Variants in MCF2 observed in about 807,000 individuals in gnomAD.
MCF2 encodes MCF.2 cell line derived transforming sequence.
A neutral mutation model predicts 82.5 loss-of-function variants in MCF2; 44 were observed. The observed-to-expected ratio is 0.53, with a 90% CI of 0.42 to 0.69. The LOEUF (loss-of-function observed/expected upper bound fraction) is 0.69, where lower values mean the gene tolerates loss of function less well. Ranked by LOEUF, MCF2 falls within the 30% of genes least tolerant of loss-of-function variation. The pLI, the probability that MCF2 is intolerant of heterozygous loss-of-function variation, is 0.00. For missense variants in MCF2, 623 were observed against 663.1 expected (o/e 0.94, Z 0.66); for synonymous variants, 217 against 224.9 (o/e 0.96, Z 0.32).
chrX:139,598,218 T>C (rs1332531145), intron 17 of MCF2, among the ~76,000 whole-genome samples, 188 bp downstream of exon 21: 1 of 112,316 alleles, frequency 8.9e-6, no homozygotes, highest in East Asian at 2.8e-4. Flanking sequence ...CAGCCTGATA[T>C]CTATGCCTAT....
intron 1 of MCF2, among the ~76,000 whole-genome samples, chrX:139,666,888 A>G (rs1934536653): frequency 2.7e-5 from 3 of 111,677 alleles, no homozygotes; most frequent in Admixed American, 1.9e-4. Flanking sequence ...GTCCCAAAAA[A>G]TTGCTTGCTC....
chrX:139,601,276 AC>A lies in MCF2; in HGVS notation c.1836+1129del, dbSNP rs774219181. Among the ~76,000 whole-genome samples the A allele has an allele frequency of 1.1e-4, 12 of 111,544 alleles. No homozygotes were observed. In the South Asian group the frequency reaches 1.9e-3, roughly 17 times the overall value. The stretch of plus-strand genomic sequence containing the variant: ...AGGAGGTTCCAAATTCAAAGTTATC[AC>A]CCTAATACTAGCATAATGGATAAAA... On this transcript the variant is annotated intron_variant, in intron 16 of 24. Coordinates refer to ENST00000370576, the Ensembl canonical transcript of MCF2.
At chrX:139,602,313 T>C (rs1454143817) in intron 16 of MCF2, 93 bp downstream of exon 20, 9 of 692,990 alleles carry the variant, frequency 1.3e-5, no homozygotes, top group Non-Finnish European at 2.1e-5. Flanking sequence ...TATGCACATG[T>C]AACGTACTTA....
chrX:139,597,663 C>T lies in MCF2; in HGVS notation c.1930-78G>A. ...AATGAATAAGTTTTTGGCTAACATG[C>T]TTTCAAGCTGGAATCCAAATATAAT... On this transcript the variant is annotated intron_variant, in intron 17 of 24. Transcript: ENST00000370576. 4.8e-6 allele frequency: 4 copies of T among 831,292 alleles called. No homozygotes were observed. In the East Asian group the frequency reaches 1.2e-4, roughly 24 times the overall value. The allele number at this position is 831,292 out of a possible 1,213,427, so 68.5% of individuals were successfully genotyped here. A position where few individuals can be genotyped will look rare whatever the true frequency, so the allele number is the denominator to read the frequency against.
At chrX:139,672,346 A>G (rs1385715538) in intron 1 of MCF2, among the ~76,000 whole-genome samples, 2 of 112,484 alleles carry the variant, frequency 1.8e-5, no homozygotes, top group Non-Finnish European at 3.8e-5. Flanking sequence ...AACTTCCAAC[A>G]CTATCTTGAA....
intron 6 of MCF2, among the ~76,000 whole-genome samples, chrX:139,621,073 A>C (rs1311713273): frequency 9.0e-6 from 1 of 111,426 alleles, no homozygotes; most frequent in Non-Finnish European, 1.9e-5. Context: ...TCTTTTACCA[A>C]ATCAACGAAA....
exon 10 of MCF2, chrX:139,614,933 G>A: frequency 8.3e-7 from 1 of 1,209,906 alleles, no homozygotes; most frequent in Non-Finnish European, 1.1e-6. Flanking sequence ...TTTCAGGTGT[G>A]GGTACCACAA....
In MCF2 at chrX:139,607,567, C is replaced by T. The variant is rs1393006690; in HGVS notation, c.1490+124G>A. The T allele has an allele frequency of 2.7e-5, 11 of 404,043 alleles. No individual in the cohort carries two copies. In the Admixed American group the frequency reaches 3.2e-4, roughly 12 times the overall value. The allele number at this position is 404,043 out of a possible 1,213,427, so 33.3% of individuals were successfully genotyped here. On this transcript the variant is annotated intron_variant, in intron 12 of 24. Transcript: ENST00000370576. ...AGGTTGGCCAGGCCTAAATCCTGGACTTCTGACACCCAGTAAAACCCCATT... is the reference window on the plus strand; with the variant it reads ...AGGTTGGCCAGGCCTAAATCCTGGATTTCTGACACCCAGTAAAACCCCATT...
At chrX:139,603,431 C>T (rs899969873) in intron 15 of MCF2, among the ~76,000 whole-genome samples, 3 of 112,639 alleles carry the variant, frequency 2.7e-5, no homozygotes, top group Non-Finnish European at 5.6e-5. Flanking sequence ...AATATAAAAT[C>T]TCCCATGAGT....
chrX:139,606,809 TTC>T (rs1415791513), intron 12 of MCF2, among the ~76,000 whole-genome samples: 16 of 111,420 alleles, frequency 1.4e-4, no homozygotes, highest in African/African-American at 5.2e-4. Context: ...TTGGCTTTTT[TTC>T]TTTTTCTTTT....
At chrX:139,608,204 CTT>C (rs371006121) in intron 11 of MCF2, among the ~76,000 whole-genome samples, 58 of 104,719 alleles carry the variant, frequency 5.5e-4, no homozygotes, top group African/African-American at 1.9e-3. Flanking sequence ...GATCCTTTTC[CTT>C]TTTTTTTTTC....
exon 14 of MCF2, chrX:139,604,886 T>C: frequency 8.5e-7 from 1 of 1,178,646 alleles, no homozygotes; most frequent in Middle Eastern, 2.4e-4. Flanking sequence ...GGAATTCATA[T>C]ATTTCTGCCA....
chrX:139,640,410 A>G (rs898506340), intron 1 of MCF2, among the ~76,000 whole-genome samples: 7 of 111,446 alleles, frequency 6.3e-5, no homozygotes, highest in Non-Finnish European at 1.3e-4. Flanking sequence ...TCCCCACCTT[A>G]AAAAGTACAG....
chrX:139,638,712 C>A (rs780102060), intron 1 of MCF2, among the ~76,000 whole-genome samples: 4 of 111,776 alleles, frequency 3.6e-5, no homozygotes, highest in African/African-American at 1.3e-4. Flanking sequence ...CTAAACAAAA[C>A]GCATCTGTGC....
chrX:139,662,542 C>A (rs1040468356), intron 1 of MCF2, among the ~76,000 whole-genome samples: 4 of 110,696 alleles, frequency 3.6e-5, no homozygotes, highest in Middle Eastern at 4.4e-3. Context: ...ATGGAGAGTC[C>A]AAAAAAGTAG....
chrX:139,604,731 C>T, exon 15 of MCF2: 1 of 1,196,784 alleles, frequency 8.4e-7, no homozygotes, highest in Non-Finnish European at 1.1e-6. Context: ...GCACAATTTT[C>T]CAGGCTGCTC....
chrX:139,674,388 C>T (rs12393127), intron 1 of MCF2, among the ~76,000 whole-genome samples: 2,720 of 111,396 alleles, frequency 0.024, 92 homozygotes, highest in African/African-American at 0.084. Flanking sequence ...TTACTTTGCC[C>T]ATTAATTGAT....
At chrX:139,692,342 C>T (rs774294396) in intron 1 of MCF2, among the ~76,000 whole-genome samples, 1 of 111,188 alleles carries the variant, frequency 9.0e-6, no homozygotes, top group East Asian at 2.9e-4. Context: ...CGGAGCCCCC[C>T]TAGTAGGGAC....
chrX:139,631,369 C>T (rs1337130084), intron 3 of MCF2, 26 bp downstream of exon 6: 2 of 924,903 alleles, frequency 2.2e-6, no homozygotes, highest in Non-Finnish European at 3.1e-6. Context: ...ACTATAGGCT[C>T]TACAGTAAGG....
Sources: allele counts gnomAD v4.1 joint callset (sites outside exome capture counted in the v4.1 genomes callset), GRCh38; gene constraint gnomAD v4.1.1; transcripts MANE v1.5; gene names NCBI Gene and HGNC (gene_info 2026-07-23, HGNC 2026-07-21).